Variants in KCTD20 observed in about 807,000 individuals in gnomAD.
KCTD20 encodes BTB/POZ domain-containing protein KCTD20.
Under a neutral mutation model 39.6 loss-of-function variants are expected in KCTD20, and 30 were observed. The ratio of observed to expected loss-of-function variants is 0.76; its 90% confidence interval spans 0.57 to 1.03. KCTD20 has a LOEUF of 1.03. KCTD20 is among the 50% of genes least tolerant of loss of function. The pLI is 0.00. For synonymous variants in KCTD20, 162 were observed against 180.6 expected (o/e 0.90, Z 0.83); for missense variants, 422 against 522.0 (o/e 0.81, Z 1.87).
At chr6:36,463,616 G>A (rs1463102471) in intron 1 of KCTD20, among the ~76,000 whole-genome samples, 3 of 152,132 alleles carry the variant, frequency 2.0e-5, no homozygotes, top group African/African-American at 7.2e-5. Flanking sequence ...AGGTGATTAG[G>A]CCTTATAAAA....
In KCTD20 at chr6:36,487,326, G is replaced by C; in HGVS notation, c.*151G>C. 1 of 736,606 alleles carries C rather than the reference G, an allele frequency of 1.4e-6. No homozygotes were observed. The highest frequency in any genetic ancestry group is 1.9e-5 in the South Asian group (1 of 53,876). 45.6% of individuals were successfully genotyped at this position (736,606 alleles called of 1,614,324 possible). A position where few individuals can be genotyped will look rare whatever the true frequency, so the allele number is the denominator to read the frequency against. ...CCATAATTAACATATGTCCTTTTCA[G>C]TAAGTCCATGCCTCTGGCAGGGGAT... On this transcript the variant is annotated 3_prime_UTR_variant, in exon 8 of 8. Transcript: ENST00000373731.
intron 1 of KCTD20, among the ~76,000 whole-genome samples, chr6:36,466,831 C>T (rs1045619494): frequency 6.6e-6 from 1 of 152,040 alleles, no homozygotes; most frequent in African/African-American, 2.4e-5. Flanking sequence ...GGGAATAGAA[C>T]CTTACTATTA....
chr6:36,466,391 T>G lies in KCTD20; in HGVS notation c.-46-3661T>G, dbSNP rs572722410. ...TTTTGCTGCTTTTTTTCTCTTTTTT[T>G]TTTTTTTTGAAACAGGGTCTTGCTC... On this transcript the variant is annotated intron_variant, in intron 1 of 7. Transcript: ENST00000373731. Among the ~76,000 whole-genome samples the G allele has an allele frequency of 4.4e-3, 659 of 150,978 alleles. 11 individuals carry two copies. Among genetic ancestry groups the G allele is most frequent in the Non-Finnish European group, 4.5e-3 (305 of 67,682 alleles).
intron 3 of KCTD20, among the ~76,000 whole-genome samples, chr6:36,477,759 C>T (rs1426954479): frequency 1.3e-5 from 2 of 148,586 alleles, no homozygotes; most frequent in Non-Finnish European, 3.0e-5. Flanking sequence ...GCTGGGATTA[C>T]AGGCGTGAGC....
intron 3 of KCTD20, 116 bp downstream of exon 3, chr6:36,475,178 G>C: frequency 9.5e-7 from 1 of 1,056,598 alleles, no homozygotes; most frequent in Non-Finnish European, 1.3e-6. Context: ...GGGCGCGGTG[G>C]CTCACGTCTG....
At chr6:36,482,433 G>A (rs376226771) in intron 6 of KCTD20, among the ~76,000 whole-genome samples, 1 of 152,044 alleles carries the variant, frequency 6.6e-6, no homozygotes, top group African/African-American at 2.4e-5. Context: ...TGCGCCTGTA[G>A]TCCCAGCTAC....
chr6:36,470,420 CTTAT>C (rs1317284447), intron 2 of KCTD20, among the ~76,000 whole-genome samples, 163 bp downstream of exon 2: 1 of 152,134 alleles, frequency 6.6e-6, no homozygotes, highest in Non-Finnish European at 1.5e-5. Flanking sequence ...AAACTCTCCA[CTTAT>C]TTAATCAGTC....
intron 1 of KCTD20, among the ~76,000 whole-genome samples, chr6:36,450,487 CA>C (rs56825740): frequency 2.7e-3 from 327 of 122,272 alleles, no homozygotes; most frequent in Admixed American, 5.3e-3. Context: ...GACTCTGTCT[CA>C]AAAAAAAAAA....
chr6:36,465,387 G>GTT (rs201281656), intron 1 of KCTD20, among the ~76,000 whole-genome samples: 80 of 120,198 alleles, frequency 6.7e-4, no homozygotes, highest in Middle Eastern at 4.5e-3. Flanking sequence ...GTTTTTTTTT[G>GTT]TTTTTTTTTT....
At chr6:36,479,069 C>A in intron 3 of KCTD20, 52 bp from the exon 4 acceptor site, 1 of 1,177,480 alleles carries the variant, frequency 8.5e-7, no homozygotes, top group Non-Finnish European at 1.3e-6. Context: ...GAAATCTCAT[C>A]TGTGAAGAAT....
Position 36,477,975 on chromosome 6 carries a change from G to C in KCTD20, c.435-1146G>C, listed in dbSNP as rs551095929. 8.9e-4 allele frequency among the ~76,000 whole-genome samples: 135 copies of C among 151,546 alleles called. 1 individual carries two copies. Among genetic ancestry groups the C allele is most frequent in the Middle Eastern group, 3.4e-3 (1 of 294 alleles). On this transcript the variant is annotated intron_variant, in intron 3 of 7. Coordinates refer to ENST00000373731, the MANE Select transcript of KCTD20 (RefSeq NM_173562.5). Reference sequence around the variant, plus strand: ...CCGGGTGCCCTGGCGGGCGCCTGTAGTCCCAACTGCTGGGGAGGCTAAGGC... The same window carrying C: ...CCGGGTGCCCTGGCGGGCGCCTGTACTCCCAACTGCTGGGGAGGCTAAGGC...
rs11450552 is a variant in KCTD20, at chr6:36,484,826, TAAA to T, written c.967+16_967+18del. On this transcript the variant is annotated splice_donor_5th_base_variant and intron_variant, in intron 7 of 7. Coordinates refer to ENST00000373731, the MANE Select transcript of KCTD20 (RefSeq NM_173562.5). ...AAAACATTCGCATTGGAATTGAAGG[TAAA>T]AAAAAAAAAAAAATCCCAGTCAACA... 2,114 of 1,287,042 alleles carry T rather than the reference TAAA, an allele frequency of 1.6e-3. No individual in the cohort carries two copies. The highest frequency in any genetic ancestry group is 1.9e-3 in the Non-Finnish European group (1,740 of 916,504). The allele number at this position is 1,287,042 out of a possible 1,614,324, so 79.7% of individuals were successfully genotyped here.
Position 36,487,255 on chromosome 6 carries a change from C to T in KCTD20, c.*80C>T, listed in dbSNP as rs1291026607. On this transcript the variant is annotated 3_prime_UTR_variant, in exon 8 of 8. Transcript: ENST00000373731. The stretch of plus-strand genomic sequence containing the variant: ...GCCAGCCCTCCCTCGTGATTTGTCT[C>T]ACCTTGAGTAGGAGACATGCTTCTC... 1 of 1,415,994 alleles carries T rather than the reference C, an allele frequency of 7.1e-7. No homozygotes were observed. Among genetic ancestry groups the T allele is most frequent in the Non-Finnish European group, 9.7e-7 (1 of 1,032,696 alleles). 87.7% of individuals were successfully genotyped at this position (1,415,994 alleles called of 1,614,324 possible).
intron 2 of KCTD20, 58 bp from the exon 3 acceptor site, chr6:36,474,730 AT>A (rs1776011670): frequency 6.9e-6 from 10 of 1,445,188 alleles, no homozygotes; most frequent in Admixed American, 4.9e-5. Flanking sequence ...GACAGGGTTT[AT>A]TTTTCTCTCA....
At position 36,490,160 on chromosome 6, in the gene KCTD20, A is replaced by G. The variant is rs1160605366; in HGVS notation, c.*2985A>G. ...GGGTCCCCCTCTAAGTAAAACAAATATTCAGACCACAGGCTTTAATGTAAA... is the reference window on the plus strand; with the variant it reads ...GGGTCCCCCTCTAAGTAAAACAAATGTTCAGACCACAGGCTTTAATGTAAA... On this transcript the variant is annotated 3_prime_UTR_variant, in exon 8 of 8. Coordinates refer to ENST00000373731, the MANE Select transcript of KCTD20 (RefSeq NM_173562.5). 1 of 152,258 alleles carries G rather than the reference A, an allele frequency of 6.6e-6. No individual in the cohort carries two copies. The highest frequency in any genetic ancestry group is 1.5e-5 in the Non-Finnish European group (1 of 68,052). The allele number at this position is 152,258 out of a possible 1,614,324, so 9.4% of individuals were successfully genotyped here.
At chr6:36,483,491 C>T (rs1776325946) in intron 6 of KCTD20, among the ~76,000 whole-genome samples, 1 of 152,058 alleles carries the variant, frequency 6.6e-6, no homozygotes, top group Non-Finnish European at 1.5e-5. Flanking sequence ...GGATTGCAGG[C>T]ACCATGGCTG....
chr6:36,478,110 A>T (rs1776129190), intron 3 of KCTD20, among the ~76,000 whole-genome samples: 2 of 151,338 alleles, frequency 1.3e-5, no homozygotes, highest in Non-Finnish European at 3.0e-5. Context: ...AAAAAAGAAA[A>T]GAAAAGCAGC....
chr6:36,470,153 G>A lies in KCTD20; in HGVS notation c.56G>A (p.Cys19Tyr). The A allele has an allele frequency of 6.2e-7, 1 of 1,614,096 alleles. No individual in the cohort carries two copies. The highest frequency in any genetic ancestry group is 8.5e-7 in the Non-Finnish European group (1 of 1,179,990). Residue 19 changes from cysteine to tyrosine, a missense_variant, in exon 2 of 8, where the codon TGC becomes TAC. Physicochemically the swap from Cys to Tyr is radical, Grantham distance 194 (BLOSUM62 -2). Coordinates refer to ENST00000373731, the MANE Select transcript of KCTD20 (RefSeq NM_173562.5). The part of the protein sequence containing the change: ...SDRLLRQEAS[C>Y]LVDDTLAVAQ... ...AGGTTATTGCGGCAGGAGGCCAGCT[G>A]CTTAGTGGATGATACTTTAGCTGTA...
rs144095893 is a variant in KCTD20 at position 36,453,152 on chromosome 6, C to T, written c.-47+10041C>T. On this transcript the variant is annotated intron_variant, in intron 1 of 7. Transcript: ENST00000373731. Reference sequence around the variant, plus strand: ...CCTCCCAAGTAGCTGGGATTACAGACGCGTGCCACTACTGCCTGGCTAATT... The same window carrying T: ...CCTCCCAAGTAGCTGGGATTACAGATGCGTGCCACTACTGCCTGGCTAATT... 4.5e-3 allele frequency among the ~76,000 whole-genome samples: 689 copies of T among 151,742 alleles called. 4 individuals carry two copies. Among genetic ancestry groups the T allele is most frequent in the Middle Eastern group, 0.017 (5 of 294 alleles).
Sources: gnomAD v4.1 joint callset for allele counts (sites outside exome capture counted in the v4.1 genomes callset) on GRCh38, gnomAD v4.1.1 for gene constraint, MANE v1.5 for transcripts, NCBI Gene and HGNC (gene_info 2026-07-23, HGNC 2026-07-21) for gene names.